The following ATP9A variants were observed in gnomAD, a reference collection of about 807,000 sequenced individuals.
The protein encoded by ATP9A is probable phospholipid-transporting ATPase IIA.
Under a neutral mutation model 144.1 loss-of-function variants are expected in ATP9A, and 52 were observed. The ratio of observed to expected loss-of-function variants is 0.36; its 90% CI spans 0.29 to 0.45. The LOEUF (loss-of-function observed/expected upper bound fraction) is 0.45, where lower values mean the gene tolerates loss of function less well. ATP9A is among the 20% of genes least tolerant of loss of function. The probability of loss-of-function intolerance (pLI) is 1.00; values close to 1 mark genes in which losing one functional copy is unlikely to be tolerated. For missense variants in ATP9A, 947 were observed against 1,392.7 expected (o/e 0.68, Z 5.09); for synonymous variants, 582 against 557.4 (o/e 1.04, Z -0.62).
chr20:51,693,556 T>C (rs6067900), intron 7 of ATP9A, among the ~76,000 whole-genome samples: 35,062 of 151,884 alleles, frequency 0.23, 4,361 homozygotes, highest in Non-Finnish European at 0.27. Flanking sequence ...GATACAGGTG[T>C]CACTATGCTG....
intron 2 of ATP9A, among the ~76,000 whole-genome samples, chr20:51,728,121 G>A (rs942057397): frequency 1.3e-5 from 2 of 152,148 alleles, no homozygotes; most frequent in Non-Finnish European, 1.5e-5. Context: ...TCTCGTTGAG[G>A]CTAAGGCAGC....
intron 4 of ATP9A, among the ~76,000 whole-genome samples, chr20:51,705,149 T>C (rs1204684461): frequency 6.6e-6 from 1 of 152,342 alleles, no homozygotes; most frequent in African/African-American, 2.4e-5. Flanking sequence ...AGCTAAACAA[T>C]TCCCCATTAA....
chr20:51,657,338 A>C (rs2077391523), intron 13 of ATP9A, among the ~76,000 whole-genome samples, 188 bp from the exon 14 acceptor site: 1 of 150,816 alleles, frequency 6.6e-6, no homozygotes, highest in Admixed American at 6.6e-5. Flanking sequence ...ATGCTCGGCA[A>C]AAAAAAAAGA....
intron 13 of ATP9A, among the ~76,000 whole-genome samples, chr20:51,662,985 G>A (rs1391281615): frequency 1.3e-5 from 2 of 151,902 alleles, no homozygotes; most frequent in Non-Finnish European, 2.9e-5. Context: ...CAGAAGAATC[G>A]CTTGAACCCA....
chr20:51,724,081 G>A (rs1043799410), intron 3 of ATP9A, among the ~76,000 whole-genome samples: 1 of 151,978 alleles, frequency 6.6e-6, no homozygotes, highest in South Asian at 2.1e-4. Flanking sequence ...TGAGGCAGAA[G>A]AATCGCTTGG....
At chr20:51,755,976 T>C (rs2077854179) in intron 1 of ATP9A, among the ~76,000 whole-genome samples, 1 of 151,900 alleles carries the variant, frequency 6.6e-6, no homozygotes, top group Non-Finnish European at 1.5e-5. Context: ...AAAAAGTTCA[T>C]AGCTGCACTA....
At chr20:51,696,756 T>C (rs2077572318) in intron 5 of ATP9A, among the ~76,000 whole-genome samples, 1 of 152,174 alleles carries the variant, frequency 6.6e-6, no homozygotes, top group South Asian at 2.1e-4. Context: ...GTTCTTGGAT[T>C]TAATCCCTTT....
intron 15 of ATP9A, 103 bp downstream of exon 15, chr20:51,639,240 G>C: frequency 8.0e-7 from 1 of 1,256,710 alleles, no homozygotes. Flanking sequence ...CTGGGTGACA[G>C]ATACCACAGT....
chr20:51,705,165 G>T (rs2077609983), intron 4 of ATP9A, among the ~76,000 whole-genome samples: 1 of 152,114 alleles, frequency 6.6e-6, no homozygotes, highest in South Asian at 2.1e-4. Context: ...ATTAATGAAT[G>T]CACCTTCCCT....
chr20:51,607,377 G>T, intron 26 of ATP9A, 150 bp downstream of exon 26: 1 of 659,206 alleles, frequency 1.5e-6, no homozygotes, highest in Admixed American at 2.6e-5. Context: ...TCCTTATACA[G>T]GGTGAGCAGG....
At position 51,598,984 on chromosome 20, in the gene ATP9A, C is replaced by CT. The variant is rs1397580555; in HGVS notation, c.*2226dup. The CT allele has an allele frequency of 1.3e-5, 2 of 152,296 alleles. No individual in the cohort carries two copies. Among genetic ancestry groups the CT allele is most frequent in the Non-Finnish European group, 2.9e-5 (2 of 68,062 alleles). 9.4% of individuals were successfully genotyped at this position (152,296 alleles called of 1,614,324 possible). ...CCAACTATGGCTTCTTCAGCCCCTC[C>CT]TGGGAGCATTCTCCCTTGAAGATGT... is the stretch of plus-strand genomic sequence containing the variant. On this transcript the variant is annotated 3_prime_UTR_variant, in exon 28 of 28. Transcript: ENST00000338821.
chr20:51,686,330 G>A (rs575380374), intron 9 of ATP9A, among the ~76,000 whole-genome samples: 3 of 150,200 alleles, frequency 2.0e-5, no homozygotes, highest in South Asian at 2.1e-4. Context: ...AAACCTGCAC[G>A]TTGTGCACAT....
rs753524524 is a variant in ATP9A, at chr20:51,689,122, C to T, written c.741G>A (p.Pro247=). 1.3e-5 allele frequency: 21 copies of T among 1,613,932 alleles called. No individual in the cohort carries two copies. The highest frequency in any genetic ancestry group is 9.3e-5 in the African/African-American group (7 of 74,896). ...TCTCTATGCTCAGGCTCTCGCTGAT[C>T]GGGGGGTCGCTGTCTTCCTGGAAAA... The part of the protein sequence containing the change: ...GTFTREDSDP[P]ISESLSIENT... The change falls in exon 9 of 28, where the codon CCG becomes CCA. Residue 247 remains proline (P), a synonymous_variant. Coordinates refer to ENST00000338821, the MANE Select transcript of ATP9A (RefSeq NM_006045.3).
At chr20:51,686,534 A>G (rs987527892) in intron 9 of ATP9A, among the ~76,000 whole-genome samples, 1 of 152,250 alleles carries the variant, frequency 6.6e-6, no homozygotes, top group African/African-American at 2.4e-5. Flanking sequence ...GCATTCTAAC[A>G]AAGTAATGAG....
intron 22 of ATP9A, among the ~76,000 whole-genome samples, chr20:51,616,286 T>G (rs1194750219): frequency 6.6e-6 from 1 of 152,084 alleles, no homozygotes; most frequent in Non-Finnish European, 1.5e-5. Flanking sequence ...TGCTGCCCCC[T>G]CCGGGCCTTG....
chr20:51,675,904 C>T (rs1555835704), intron 10 of ATP9A, among the ~76,000 whole-genome samples: 1 of 144,644 alleles, frequency 6.9e-6, no homozygotes, highest in Non-Finnish European at 1.5e-5. Flanking sequence ...AAAAAAAAGG[C>T]ACAAAAAAGT....
intron 26 of ATP9A, among the ~76,000 whole-genome samples, chr20:51,605,684 G>A (rs1033367086): frequency 3.0e-4 from 45 of 151,720 alleles, no homozygotes; most frequent in African/African-American, 9.4e-4. Context: ...AGGCTGAGGC[G>A]GGCGGATCAC....
chr20:51,617,003 G>A (rs930396499), intron 22 of ATP9A, among the ~76,000 whole-genome samples: 5 of 149,176 alleles, frequency 3.4e-5, no homozygotes, highest in East Asian at 2.0e-4. Flanking sequence ...GTGCAGTGGC[G>A]CAATCTCGGC....
chr20:51,706,614 G>A (rs989112602), intron 4 of ATP9A, among the ~76,000 whole-genome samples: 1 of 152,202 alleles, frequency 6.6e-6, no homozygotes, highest in Admixed American at 6.5e-5. Context: ...GCCAGGTATA[G>A]TGACATGCAA....
Sources: allele counts gnomAD v4.1 joint callset (sites outside exome capture counted in the v4.1 genomes callset), GRCh38; gene constraint gnomAD v4.1.1; transcripts MANE v1.5; gene names NCBI Gene and HGNC (gene_info 2026-07-23, HGNC 2026-07-21).